Variants in NAALADL2 observed in about 807,000 individuals in gnomAD.
NAALADL2 encodes N-acetylated alpha-linked acidic dipeptidase like 2.
A neutral mutation model predicts 87.2 loss-of-function variants in NAALADL2; 76 were observed. That is an observed-to-expected ratio of 0.87 (90% CI 0.72 to 1.05). The LOEUF (loss-of-function observed/expected upper bound fraction) is 1.05. Among genes scored for constraint, NAALADL2 ranks in the 50% least tolerant of loss-of-function variants. The probability of loss-of-function intolerance (pLI) is 0.00; values close to 1 mark genes in which losing one functional copy is unlikely to be tolerated. For missense variants in NAALADL2, 1,089 were observed against 945.8 expected (o/e 1.15, Z -1.99); for synonymous variants, 354 against 331.0 (o/e 1.07, Z -0.75).
intron 1 of NAALADL2, among the ~76,000 whole-genome samples, chr3:175,047,238 A>T (rs1040338075): frequency 5.9e-5 from 9 of 152,162 alleles, no homozygotes; most frequent in Admixed American, 5.2e-4. Context: ...AGGGGGGACA[A>T]TTGTTTTGGA....
chr3:174,806,793 C>A lies in NAALADL2; in HGVS notation c.-9+69047C>A, dbSNP rs534425448. Among the ~76,000 whole-genome samples, 17 of 152,236 alleles carry A rather than the reference C, an allele frequency of 1.1e-4. No individual in the cohort carries two copies. In the South Asian group the frequency reaches 3.3e-3, roughly 30 times the overall value. ...TTTCAAGCTATGTATATCCAAATAT[C>A]TTCTCACTGATTTGACTATGACATA... On this transcript the variant is annotated intron_variant, in intron 3 of 3. Transcript: ENST00000434257.
intron 9 of NAALADL2, among the ~76,000 whole-genome samples, chr3:175,497,661 A>AT (rs1728997713): frequency 7.0e-6 from 1 of 142,744 alleles, no homozygotes; most frequent in Admixed American, 6.7e-5. Context: ...TCTTTTTTTT[A>AT]TTTTTTTCCT....
intron 5 of NAALADL2, among the ~76,000 whole-genome samples, chr3:175,420,726 G>A (rs1437340836): frequency 6.6e-6 from 1 of 151,882 alleles, no homozygotes; most frequent in Non-Finnish European, 1.5e-5. Flanking sequence ...CTCATTAAGT[G>A]GTTGGATTAT....
chr3:174,703,577 T>G (rs1294675903), intron 2 of NAALADL2, among the ~76,000 whole-genome samples: 5 of 152,202 alleles, frequency 3.3e-5, no homozygotes, highest in African/African-American at 1.2e-4. Context: ...AAAGACTTAT[T>G]AGTGAAGTAT....
At chr3:175,668,780 C>A (rs761221315) in intron 11 of NAALADL2, among the ~76,000 whole-genome samples, 2 of 151,802 alleles carry the variant, frequency 1.3e-5, no homozygotes. Context: ...GTTTTCCGTG[C>A]GATATAATGA....
At chr3:174,663,771 T>G (rs1376021818) in intron 2 of NAALADL2, among the ~76,000 whole-genome samples, 2 of 148,252 alleles carry the variant, frequency 1.3e-5, no homozygotes, top group Non-Finnish European at 3.0e-5. Flanking sequence ...ATTTACTATA[T>G]TCACTGGATT....
At chr3:174,806,061 A>G (rs979935588) in intron 3 of NAALADL2, among the ~76,000 whole-genome samples, 1 of 152,216 alleles carries the variant, frequency 6.6e-6, no homozygotes, top group East Asian at 1.9e-4. Context: ...TGATGACTAT[A>G]CAAGTGTTCA....
chr3:175,642,569 C>T (rs999236700), intron 11 of NAALADL2, among the ~76,000 whole-genome samples: 73 of 150,322 alleles, frequency 4.9e-4, no homozygotes, highest in Non-Finnish European at 1.5e-4. Flanking sequence ...GGTGCGATCT[C>T]GGCTCACTGC....
chr3:175,597,594 C>G (rs1300524785), intron 10 of NAALADL2, among the ~76,000 whole-genome samples: 1 of 151,986 alleles, frequency 6.6e-6, no homozygotes, highest in Non-Finnish European at 1.5e-5. Flanking sequence ...GACCTCAGCA[C>G]TATTGGCATT....
At chr3:175,130,153 ATTGT>A (rs1005190436) in intron 2 of NAALADL2, among the ~76,000 whole-genome samples, 29 of 152,194 alleles carry the variant, frequency 1.9e-4, no homozygotes, top group African/African-American at 4.3e-4. Context: ...TTAAAATCAC[ATTGT>A]TTGTTGTCTC....
intron 4 of NAALADL2, among the ~76,000 whole-genome samples, chr3:175,276,097 T>TA (rs1284686225): frequency 6.6e-6 from 1 of 151,112 alleles, no homozygotes; most frequent in Non-Finnish European, 1.5e-5. Context: ...TAACATTTAT[T>TA]AAAAAATTTC....
At chr3:175,112,963 G>A (rs1724458205) in intron 2 of NAALADL2, among the ~76,000 whole-genome samples, 1 of 151,602 alleles carries the variant, frequency 6.6e-6, no homozygotes, top group South Asian at 2.1e-4. Context: ...AGGAAAGGTT[G>A]AACAAAGACA....
chr3:175,387,328 T>G (rs1768517800), intron 5 of NAALADL2, among the ~76,000 whole-genome samples: 1 of 152,126 alleles, frequency 6.6e-6, no homozygotes, highest in South Asian at 2.1e-4. Flanking sequence ...TGTTTTATTT[T>G]TATCATTCCT....
At chr3:175,512,385 A>G (rs1375722473) in intron 9 of NAALADL2, among the ~76,000 whole-genome samples, 3 of 152,186 alleles carry the variant, frequency 2.0e-5, no homozygotes, top group Non-Finnish European at 2.9e-5. Flanking sequence ...CCAATTTAAT[A>G]AAAGAATAAC....
chr3:175,450,092 A>T (rs1721335981), intron 6 of NAALADL2, among the ~76,000 whole-genome samples: 1 of 152,176 alleles, frequency 6.6e-6, no homozygotes, highest in African/African-American at 2.4e-5. Context: ...ATGTTAACAT[A>T]TAATCCTACA....
intron 10 of NAALADL2, among the ~76,000 whole-genome samples, chr3:175,624,276 A>C (rs2149708458): frequency 6.6e-6 from 1 of 152,010 alleles, no homozygotes; most frequent in Middle Eastern, 3.4e-3. Flanking sequence ...ATACAACCAA[A>C]CTTTCCAGAG....
At chr3:175,282,867 G>T (rs922489792) in intron 4 of NAALADL2, among the ~76,000 whole-genome samples, 37 of 148,566 alleles carry the variant, frequency 2.5e-4, no homozygotes, top group African/African-American at 9.1e-4. Flanking sequence ...CAAGAATGAA[G>T]TATACAGATA....
chr3:174,629,080 A>G (rs1191266042), intron 2 of NAALADL2, among the ~76,000 whole-genome samples: 1 of 152,234 alleles, frequency 6.6e-6, no homozygotes, highest in Non-Finnish European at 1.5e-5. Flanking sequence ...TCAGCCTTCT[A>G]TAGTGAATCA....
intron 4 of NAALADL2, among the ~76,000 whole-genome samples, chr3:175,277,328 T>C (rs1753735195): frequency 6.6e-6 from 1 of 152,186 alleles, no homozygotes; most frequent in Non-Finnish European, 1.5e-5. Context: ...AGTGCTCATG[T>C]TTTGACTAAC....
Sources: gnomAD v4.1 joint callset for allele counts (sites outside exome capture counted in the v4.1 genomes callset) on GRCh38, gnomAD v4.1.1 for gene constraint, MANE v1.5 for transcripts, NCBI Gene and HGNC (gene_info 2026-07-23, HGNC 2026-07-21) for gene names.